The following LYPLAL1 variants were observed in gnomAD, a reference collection of about 807,000 sequenced individuals.
LYPLAL1 encodes the protein lysophospholipase like 1.
Under a neutral mutation model 19.7 loss-of-function variants are expected in LYPLAL1, and 23 were observed. The ratio of observed to expected loss-of-function variants is 1.17; its 90% CI spans 0.84 to 1.65. The LOEUF (loss-of-function observed/expected upper bound fraction) is 1.65, where lower values mean the gene tolerates loss of function less well. Ranked by LOEUF, LYPLAL1 falls within the 40% of genes most tolerant of loss-of-function variation. The pLI is 0.00. For synonymous variants in LYPLAL1, 119 were observed against 96.3 expected, an observed-to-expected ratio of 1.24 and a Z score of -1.38; for missense variants, 355 against 279.4, an observed-to-expected ratio of 1.27 and a Z score of -1.93.
At chr1:219,302,886 A>C in the LYPLAL1 span, among the ~76,000 whole-genome samples, 1 of 152,294 alleles carries the variant, frequency 6.6e-6, no homozygotes, top group East Asian at 1.9e-4. Flanking sequence ...CATTACATGC[A>C]TTAGCCATTC....
the LYPLAL1 span, among the ~76,000 whole-genome samples, chr1:219,426,008 G>C: frequency 6.6e-6 from 1 of 152,150 alleles, no homozygotes; most frequent in Non-Finnish European, 1.5e-5. Context: ...TGTTTTCCTA[G>C]TTATGTGCAG....
chr1:219,349,150 A>C, the LYPLAL1 span, among the ~76,000 whole-genome samples: 1 of 152,252 alleles, frequency 6.6e-6, no homozygotes, highest in Non-Finnish European at 1.5e-5. Context: ...GCTCATAACC[A>C]CTGGACTGAC....
At chr1:219,317,231 G>A in the LYPLAL1 span, among the ~76,000 whole-genome samples, 64 of 152,196 alleles carry the variant, frequency 4.2e-4, 2 homozygotes, top group African/African-American at 1.5e-3. Flanking sequence ...CATTGCTTCC[G>A]AAGTAAATCC....
At chr1:219,210,038 C>T (rs1658882219) in intron 3 of LYPLAL1, among the ~76,000 whole-genome samples, 2 of 151,940 alleles carry the variant, frequency 1.3e-5, no homozygotes, top group African/African-American at 4.8e-5. Flanking sequence ...TTAACTAGCT[C>T]CTCAAATTTT....
chr1:219,260,905 G>T, the LYPLAL1 span, among the ~76,000 whole-genome samples: 3 of 151,626 alleles, frequency 2.0e-5, no homozygotes, highest in African/African-American at 7.3e-5. Flanking sequence ...ATAATTAAAA[G>T]GTGATTCTCT....
the LYPLAL1 span, among the ~76,000 whole-genome samples, chr1:219,374,136 A>ATT: frequency 4.5e-4 from 61 of 136,388 alleles, no homozygotes; most frequent in African/African-American, 1.6e-3. Context: ...TTTTGTGTGG[A>ATT]TTTTTTTTTT....
chr1:219,430,999 G>A, the LYPLAL1 span, among the ~76,000 whole-genome samples: 19 of 152,040 alleles, frequency 1.2e-4, no homozygotes, highest in African/African-American at 4.6e-4. Context: ...TTTTTAAGGG[G>A]GCTTTTGACA....
At chr1:219,255,103 T>C in the LYPLAL1 span, among the ~76,000 whole-genome samples, 1 of 152,040 alleles carries the variant, frequency 6.6e-6, no homozygotes, top group East Asian at 1.9e-4. Flanking sequence ...TTATAGGCTC[T>C]TTAAATTTCT....
chr1:219,373,953 C>T, the LYPLAL1 span, among the ~76,000 whole-genome samples: 2 of 151,484 alleles, frequency 1.3e-5, no homozygotes, highest in African/African-American at 4.8e-5. Flanking sequence ...CAAACCAAAC[C>T]TCCAAAAGGA....
chr1:219,294,270 C>T, the LYPLAL1 span, among the ~76,000 whole-genome samples: 1 of 152,184 alleles, frequency 6.6e-6, no homozygotes, highest in Non-Finnish European at 1.5e-5. Context: ...TTCTATCTTT[C>T]CTTGGCTTCC....
At chr1:219,405,274 GA>G in the LYPLAL1 span, among the ~76,000 whole-genome samples, 1 of 152,156 alleles carries the variant, frequency 6.6e-6, no homozygotes, top group Non-Finnish European at 1.5e-5. Flanking sequence ...TGGTTGAGTA[GA>G]TAACACCACC....
chr1:219,247,405 A>G, the LYPLAL1 span, among the ~76,000 whole-genome samples: 1 of 152,198 alleles, frequency 6.6e-6, no homozygotes, highest in Non-Finnish European at 1.5e-5. Flanking sequence ...TTTGTGCTTC[A>G]TTATTTATGG....
intron 2 of LYPLAL1, among the ~76,000 whole-genome samples, chr1:219,192,540 G>A (rs773730419): frequency 2.6e-5 from 4 of 151,508 alleles, no homozygotes; most frequent in Admixed American, 2.0e-4. Context: ...CAACTCTTCC[G>A]TTTTTCATAT....
At chr1:219,390,866 C>T in the LYPLAL1 span, among the ~76,000 whole-genome samples, 4 of 152,148 alleles carry the variant, frequency 2.6e-5, no homozygotes, top group South Asian at 2.1e-4. Context: ...TCTCCCCAAA[C>T]TGGCCTAAGA....
chr1:219,303,030 C>T, the LYPLAL1 span, among the ~76,000 whole-genome samples: 1 of 152,206 alleles, frequency 6.6e-6, no homozygotes, highest in Non-Finnish European at 1.5e-5. Context: ...AAAAATAGGT[C>T]TATTCACTCT....
chr1:219,184,445 A>G (rs954929237), intron 2 of LYPLAL1, among the ~76,000 whole-genome samples: 5 of 151,726 alleles, frequency 3.3e-5, no homozygotes, highest in Non-Finnish European at 7.4e-5. Context: ...TCGTGTGTGC[A>G]TTTTATTTCA....
chr1:219,275,787 T>C, the LYPLAL1 span, among the ~76,000 whole-genome samples: 1 of 152,070 alleles, frequency 6.6e-6, no homozygotes, highest in African/African-American at 2.4e-5. Flanking sequence ...CTAAAAACAA[T>C]ATTTAAAATA....
chr1:219,367,547 T>G, the LYPLAL1 span, among the ~76,000 whole-genome samples: 1 of 152,218 alleles, frequency 6.6e-6, no homozygotes, highest in Admixed American at 6.5e-5. Context: ...AACACTCATT[T>G]AATTTTACAT....
chr1:219,411,000 C>A, the LYPLAL1 span, among the ~76,000 whole-genome samples: 3 of 152,242 alleles, frequency 2.0e-5, no homozygotes, highest in Non-Finnish European at 4.4e-5. Context: ...TCCATGGCGC[C>A]CAGTCCCATC....
Sources: allele counts gnomAD v4.1 joint callset (sites outside exome capture counted in the v4.1 genomes callset), GRCh38; gene constraint gnomAD v4.1.1; transcripts MANE v1.5; gene names NCBI Gene and HGNC (gene_info 2026-07-23, HGNC 2026-07-21).